The following PGM5 variants were observed in gnomAD, a reference collection of about 807,000 sequenced individuals.
PGM5 encodes phosphoglucomutase-like protein 5.
Under a neutral mutation model 59.2 loss-of-function variants are expected in PGM5, and 23 were observed. That is an observed-to-expected ratio of 0.39 (90% CI 0.28 to 0.55). The LOEUF (loss-of-function observed/expected upper bound fraction) is 0.55. Among genes scored for constraint, PGM5 ranks in the 20% least tolerant of loss-of-function variants. The pLI is 0.66. For missense variants in PGM5, 574 were observed against 748.3 expected, an observed-to-expected ratio of 0.77 and a Z score of 2.72; for synonymous variants, 214 against 286.0, an observed-to-expected ratio of 0.75 and a Z score of 2.54.
At chr9:68,430,546 C>T (rs1823327458) in intron 6 of PGM5, among the ~76,000 whole-genome samples, 1 of 152,286 alleles carries the variant, frequency 6.6e-6, no homozygotes, top group South Asian at 2.1e-4. Flanking sequence ...TTCCTCTTTC[C>T]TAATTTCATC....
intron 10 of PGM5, among the ~76,000 whole-genome samples, chr9:68,509,187 C>A (rs1240816403): frequency 6.6e-6 from 1 of 152,168 alleles, no homozygotes; most frequent in Non-Finnish European, 1.5e-5. Flanking sequence ...AACTCCTGTT[C>A]AAGATGCAGG....
rs1263607847 is a variant in PGM5 at position 68,357,015 on chromosome 9, G to A, written c.-113G>A. ...GCAGGGCGCCGACCTGCTGGAGAGGGGGCCCGGGCGCGAGGCGGAGTCCCG... is the reference window on the plus strand; with the variant it reads ...GCAGGGCGCCGACCTGCTGGAGAGGAGGCCCGGGCGCGAGGCGGAGTCCCG... On this transcript the variant is annotated 5_prime_UTR_variant, in exon 1 of 11. Coordinates refer to ENST00000396396, the MANE Select transcript of PGM5 (RefSeq NM_021965.4). 1 of 1,152,674 alleles carries A rather than the reference G, an allele frequency of 8.7e-7. No individual in the cohort carries two copies. Among genetic ancestry groups the A allele is most frequent in the Non-Finnish European group, 1.1e-6 (1 of 871,180 alleles). 71.4% of individuals were successfully genotyped at this position (1,152,674 alleles called of 1,614,324 possible). A position where few individuals can be genotyped will look rare whatever the true frequency, so the allele number is the denominator to read the frequency against.
At chr9:68,423,009 G>A (rs1323804293) in intron 6 of PGM5, among the ~76,000 whole-genome samples, 3 of 152,160 alleles carry the variant, frequency 2.0e-5, no homozygotes, top group Non-Finnish European at 4.4e-5. Flanking sequence ...TTCACTTAGA[G>A]TAATAGTCTC....
intron 6 of PGM5, among the ~76,000 whole-genome samples, chr9:68,421,022 A>G (rs7025140): frequency 0.49 from 75,107 of 152,078 alleles, 18,980 homozygotes; most frequent in South Asian, 0.56. Context: ...TGAAAGGAAA[A>G]GCTGATGAAA....
rs11142306 is a variant in PGM5, at chr9:68,422,891, C to T, written c.1043+30418C>T. ...CTCATCCCCTTCCCACCCTTTCCCC[C>T]GTGTCCCCAAAGTCCATTGTGTCAT... On this transcript the variant is annotated intron_variant, in intron 6 of 10. Coordinates refer to ENST00000396396, the MANE Select transcript of PGM5 (RefSeq NM_021965.4). 5.3e-3 allele frequency among the ~76,000 whole-genome samples: 813 copies of T among 152,204 alleles called. 1 individual carries two copies. The highest frequency in any genetic ancestry group is 0.019 in the African/African-American group (795 of 41,524).
chr9:68,456,314 G>C lies in PGM5; in HGVS notation c.1044-8779G>C, dbSNP rs190939460. 6.0e-3 allele frequency among the ~76,000 whole-genome samples: 894 copies of C among 149,702 alleles called. 5 individuals are homozygous for C. The highest frequency in any genetic ancestry group is 0.01 in the Non-Finnish European group (676 of 67,476). On this transcript the variant is annotated intron_variant, in intron 6 of 10. Coordinates refer to ENST00000396396, the MANE Select transcript of PGM5 (RefSeq NM_021965.4). Reference sequence around the variant, plus strand: ...TTTTTTTTTCTTTTTTTTTGGGGGTGGGGGGGTGGCAGGAGGGACAGAGTC... The same window carrying C: ...TTTTTTTTTCTTTTTTTTTGGGGGTCGGGGGGTGGCAGGAGGGACAGAGTC...
chr9:68,455,771 T>G (rs1232284573), intron 6 of PGM5, among the ~76,000 whole-genome samples: 1 of 152,206 alleles, frequency 6.6e-6, no homozygotes, highest in Non-Finnish European at 1.5e-5. Context: ...TTCTTCAGTG[T>G]TGCAAATATC....
At chr9:68,464,976 GGTT>G in intron 6 of PGM5, 114 bp from the exon 7 acceptor site, 1 of 611,674 alleles carries the variant, frequency 1.6e-6, no homozygotes, top group Non-Finnish European at 2.9e-6. Context: ...ACACTACCCA[GGTT>G]GTTCTGAAAT....
At chr9:68,434,366 A>T (rs946163333) in intron 6 of PGM5, among the ~76,000 whole-genome samples, 3 of 151,998 alleles carry the variant, frequency 2.0e-5, no homozygotes, top group African/African-American at 7.2e-5. Flanking sequence ...AAAAAATGTC[A>T]AAGTGAAGAT....
intron 7 of PGM5, 39 bp from the exon 8 acceptor site, chr9:68,479,379 A>G: frequency 1.3e-6 from 2 of 1,577,486 alleles, no homozygotes; most frequent in Non-Finnish European, 1.7e-6. Flanking sequence ...CTTTGCTCCC[A>G]CAAATGAATG....
chr9:68,500,292 TTTTTG>T (rs1163318834), intron 10 of PGM5, among the ~76,000 whole-genome samples: 3 of 152,124 alleles, frequency 2.0e-5, no homozygotes, highest in African/African-American at 7.2e-5. Flanking sequence ...TTTAGGGGTT[TTTTTG>T]TTTTGTTTTG....
chr9:68,410,798 A>G (rs1271382076), intron 6 of PGM5, among the ~76,000 whole-genome samples: 1 of 152,172 alleles, frequency 6.6e-6, no homozygotes, highest in East Asian at 1.9e-4. Context: ...CTCTGTTGCA[A>G]GTAACAAAAA....
At chr9:68,373,723 A>T (rs1273058129) in intron 1 of PGM5, among the ~76,000 whole-genome samples, 1 of 152,176 alleles carries the variant, frequency 6.6e-6, no homozygotes, top group Non-Finnish European at 1.5e-5. Flanking sequence ...GGCAATTTTT[A>T]TTGCCTTAAA....
intron 10 of PGM5, among the ~76,000 whole-genome samples, chr9:68,523,790 C>T (rs974296131): frequency 6.6e-6 from 1 of 152,164 alleles, no homozygotes; most frequent in Non-Finnish European, 1.5e-5. Flanking sequence ...GCACATTCCT[C>T]ATAGAGACCA....
intron 9 of PGM5, among the ~76,000 whole-genome samples, chr9:68,486,404 ATGT>A (rs1824296609): frequency 6.6e-6 from 1 of 152,182 alleles, no homozygotes; most frequent in Non-Finnish European, 1.5e-5. Context: ...CAGAAAAGAA[ATGT>A]TGTGCTCTTT....
intron 1 of PGM5, among the ~76,000 whole-genome samples, chr9:68,371,915 T>G (rs1262623312): frequency 2.0e-5 from 3 of 152,144 alleles, no homozygotes; most frequent in Non-Finnish European, 4.4e-5. Flanking sequence ...CGGAAATATG[T>G]GGAGGCAACA....
chr9:68,526,603 T>C (rs1411795658), intron 10 of PGM5, among the ~76,000 whole-genome samples: 2 of 152,256 alleles, frequency 1.3e-5, no homozygotes, highest in Admixed American at 1.3e-4. Flanking sequence ...GCCATTGTGA[T>C]CCTCTTTCTT....
At chr9:68,436,041 G>A (rs1823436824) in intron 6 of PGM5, among the ~76,000 whole-genome samples, 1 of 152,172 alleles carries the variant, frequency 6.6e-6, no homozygotes, top group South Asian at 2.1e-4. Flanking sequence ...TACTGTGCCA[G>A]AAATGTCAGC....
intron 10 of PGM5, among the ~76,000 whole-genome samples, chr9:68,513,195 T>C (rs1554689511): frequency 3.3e-5 from 5 of 152,230 alleles, no homozygotes; most frequent in Non-Finnish European, 7.3e-5. Context: ...CATAGATGAA[T>C]TGTGAAGTTT....
Sources: allele counts gnomAD v4.1 joint callset (sites outside exome capture counted in the v4.1 genomes callset), GRCh38; gene constraint gnomAD v4.1.1; transcripts MANE v1.5; gene names NCBI Gene and HGNC (gene_info 2026-07-23, HGNC 2026-07-21).